BARD1: variants seen among roughly 807,000 people sequenced by gnomAD.
BARD1 encodes the protein BRCA1 associated RING domain 1.
In BARD1, 73 loss-of-function variants were observed where a neutral mutation model predicts 77.0. The observed-to-expected ratio is 0.95, with a 90% CI of 0.79 to 1.15. The LOEUF (loss-of-function observed/expected upper bound fraction) is 1.15. Among genes scored for constraint, BARD1 ranks in the 50% most tolerant of loss-of-function variants. The pLI, the probability that BARD1 is intolerant of heterozygous loss-of-function variation, is 0.00. For synonymous variants in BARD1, 384 were observed against 338.0 expected (o/e 1.14, Z -1.49); for missense variants, 993 against 938.8 (o/e 1.06, Z -0.75).
intron 6 of BARD1, among the ~76,000 whole-genome samples, chr2:214,762,948 T>C (rs565719868): frequency 4.1e-5 from 6 of 146,002 alleles, no homozygotes; most frequent in East Asian, 4.2e-4. Context: ...CCTGGATTAC[T>C]GGACAAACCT....
intron 6 of BARD1, among the ~76,000 whole-genome samples, chr2:214,766,689 C>T (rs11890523): frequency 0.37 from 56,498 of 151,968 alleles, 10,637 homozygotes; most frequent in Middle Eastern, 0.44. Context: ...GTAAACTACA[C>T]ACATCCTCCC....
rs869312502 is a variant in BARD1 at position 214,731,207 on chromosome 2, A to G, written c.1904-699T>C. ...AGCTTCAGGTTAAAAAGCAAAAGCA[A>G]TAGAGACAGCTCAGCCTGGCACTGT... On this transcript the variant is annotated intron_variant, in intron 9 of 10. Coordinates refer to ENST00000260947, the MANE Select transcript of BARD1 (RefSeq NM_000465.4). 3 of 202,592 alleles carry G rather than the reference A, an allele frequency of 1.5e-5. No individual in the cohort carries two copies. Among genetic ancestry groups the G allele is most frequent in the Non-Finnish European group, 3.1e-5 (3 of 97,702 alleles). 12.5% of individuals were successfully genotyped at this position (202,592 alleles called of 1,614,324 possible).
At chr2:214,784,723 G>A (rs138045448) in intron 3 of BARD1, among the ~76,000 whole-genome samples, 9,911 of 152,154 alleles carry the variant, frequency 0.065, 369 homozygotes, top group African/African-American at 0.093. Flanking sequence ...CATGTACTTT[G>A]CAGGGACATG....
At chr2:214,772,506 AAG>A (rs965609684) in intron 4 of BARD1, among the ~76,000 whole-genome samples, 1 of 152,178 alleles carries the variant, frequency 6.6e-6, no homozygotes, top group South Asian at 2.1e-4. Context: ...TGTGAAATGG[AAG>A]AGTCTCAAGG....
intron 3 of BARD1, among the ~76,000 whole-genome samples, chr2:214,790,633 C>T (rs769315526): frequency 3.0e-4 from 46 of 152,160 alleles, no homozygotes; most frequent in Non-Finnish European, 4.9e-4. Flanking sequence ...TTTGTTACAG[C>T]AGTTCTAGCA....
rs963035634 is a variant in BARD1 at position 214,809,677 on chromosome 2, C to A, written c.-108G>T. On this transcript the variant is annotated 5_prime_UTR_variant, in exon 1 of 11. Transcript: ENST00000260947. ...GACTCGAAACCGGCCAAGCTCTTCCCGCGTCTGGGACGGCGGGCCGCCAGA... is the reference window on the plus strand; with the variant it reads ...GACTCGAAACCGGCCAAGCTCTTCCAGCGTCTGGGACGGCGGGCCGCCAGA... 9.1e-6 allele frequency: 13 copies of A among 1,435,640 alleles called. No homozygotes were observed. Among genetic ancestry groups the A allele is most frequent in the African/African-American group, 4.2e-5 (3 of 70,830 alleles). The allele number at this position is 1,435,640 out of a possible 1,614,324, so 88.9% of individuals were successfully genotyped here. A position where few individuals can be genotyped will look rare whatever the true frequency, so the allele number is the denominator to read the frequency against.
chr2:214,767,867 G>C (rs2106077833), intron 5 of BARD1, among the ~76,000 whole-genome samples: 1 of 152,148 alleles, frequency 6.6e-6, no homozygotes, highest in South Asian at 2.1e-4. Context: ...AAAAAAGAAA[G>C]GCTATTCTCA....
intron 3 of BARD1, among the ~76,000 whole-genome samples, chr2:214,787,134 G>A (rs1227646270): frequency 2.6e-5 from 4 of 151,386 alleles, no homozygotes; most frequent in Non-Finnish European, 5.9e-5. Context: ...CAAACCCTGA[G>A]GTTCTCAATT....
Position 214,809,396 on chromosome 2 carries a change from G to A in BARD1, c.158+16C>T. 1 of 1,612,282 alleles carries A rather than the reference G, an allele frequency of 6.2e-7. No homozygotes were observed. The highest frequency in any genetic ancestry group is 8.5e-7 in the Non-Finnish European group (1 of 1,179,762). ...CCCGTGCCCTCGCAGCCACCCCCAA[G>A]AAGCTCCGTCTTTACCAACGCGAGC... On this transcript the variant is annotated intron_variant, in intron 1 of 10. Coordinates refer to ENST00000260947, the MANE Select transcript of BARD1 (RefSeq NM_000465.4).
intron 7 of BARD1, among the ~76,000 whole-genome samples, chr2:214,751,117 GTATATATATA>G (rs1216095030): frequency 8.6e-4 from 14 of 16,288 alleles, no homozygotes; most frequent in East Asian, 2.1e-3. Context: ...GTGTGTGTGT[GTATATATATA>G]TATATATATA....
intron 9 of BARD1, chr2:214,730,909 A>G (rs1692325639): frequency 2.2e-6 from 1 of 457,630 alleles, no homozygotes; most frequent in Non-Finnish European, 4.4e-6. Flanking sequence ...AGCACTTACC[A>G]TCTATACTGC....
intron 3 of BARD1, among the ~76,000 whole-genome samples, chr2:214,783,580 G>T (rs983205449): frequency 2.6e-5 from 4 of 152,060 alleles, no homozygotes; most frequent in Non-Finnish European, 5.9e-5. Flanking sequence ...GGGGCAAGGG[G>T]AGTGAGAGCA....
chr2:214,789,541 T>C (rs1391299238), intron 3 of BARD1, among the ~76,000 whole-genome samples: 1 of 151,918 alleles, frequency 6.6e-6, no homozygotes, highest in East Asian at 1.9e-4. Flanking sequence ...CAAGACACTG[T>C]CTGTCTCAAA....
chr2:214,773,797 G>A (rs1169057399), intron 4 of BARD1, among the ~76,000 whole-genome samples: 2 of 152,128 alleles, frequency 1.3e-5, no homozygotes, highest in African/African-American at 4.8e-5. Context: ...CTTAAATCAG[G>A]ACAATGAAGT....
Position 214,774,996 on chromosome 2 carries a change from T to C in BARD1, c.1314+5564A>G, listed in dbSNP as rs1011761616. On this transcript the variant is annotated intron_variant, in intron 4 of 10. Coordinates refer to ENST00000260947, the MANE Select transcript of BARD1 (RefSeq NM_000465.4). ...GAATTGAAGAGATTTAGGATCTTGC[T>C]CTGGAGTAGGGTTTTGCTTAAGGAA... 3.9e-5 allele frequency among the ~76,000 whole-genome samples: 6 copies of C among 152,330 alleles called. No individual in the cohort carries two copies. The East Asian group carries it at 1.2e-3, about 29-fold the overall frequency.
intron 2 of BARD1, among the ~76,000 whole-genome samples, chr2:214,794,105 T>C (rs1215167677): frequency 2.0e-5 from 3 of 151,822 alleles, no homozygotes; most frequent in Non-Finnish European, 4.4e-5. Flanking sequence ...CTACAAAAAT[T>C]AGCCAGGCGT....
rs60746999 is a variant in BARD1 at position 214,751,151 on chromosome 2, A to ATTTTTT, written c.1677+1290_1677+1295dup. On this transcript the variant is annotated intron_variant, in intron 7 of 10. Coordinates refer to ENST00000260947, the MANE Select transcript of BARD1 (RefSeq NM_000465.4). ...TATATATATATATATATATATATAT[A>ATTTTTT]TTTTTTTTTTTTTTTTTTTTTTTTT... Among the ~76,000 whole-genome samples the ATTTTTT allele has an allele frequency of 5.1e-4, 19 of 37,186 alleles. 1 individual carries two copies. The highest frequency in any genetic ancestry group is 1.3e-3 in the East Asian group (2 of 1,518). 24.4% of individuals were successfully genotyped at this position (37,186 alleles called of 152,430 possible).
chr2:214,758,762 T>C (rs1693817424), intron 6 of BARD1, among the ~76,000 whole-genome samples: 1 of 152,230 alleles, frequency 6.6e-6, no homozygotes, highest in Non-Finnish European at 1.5e-5. Context: ...ACATTCAGGA[T>C]GCAGTATAAC....
intron 4 of BARD1, among the ~76,000 whole-genome samples, chr2:214,773,518 G>A (rs187347703): frequency 4.3e-4 from 65 of 152,148 alleles, no homozygotes; most frequent in African/African-American, 1.4e-3. Flanking sequence ...AGGTCACTGC[G>A]ATAAAGCAAA....
Sources: allele counts gnomAD v4.1 joint callset (sites outside exome capture counted in the v4.1 genomes callset), GRCh38; gene constraint gnomAD v4.1.1; transcripts MANE v1.5; gene names NCBI Gene and HGNC (gene_info 2026-07-23, HGNC 2026-07-21).